Variants in SYTL3 observed in about 807,000 individuals in gnomAD.
The protein encoded by SYTL3 is synaptotagmin-like protein 3.
In SYTL3, 88 loss-of-function variants were observed where a neutral mutation model predicts 82.1. That is an observed-to-expected ratio of 1.07 (90% CI 0.90 to 1.28). The LOEUF (loss-of-function observed/expected upper bound fraction) is 1.28, where lower values mean the gene tolerates loss of function less well. Ranked by LOEUF, SYTL3 falls within the 50% of genes most tolerant of loss-of-function variation. The pLI, the probability that SYTL3 is intolerant of heterozygous loss-of-function variation, is 0.00. For synonymous variants in SYTL3, 311 were observed against 289.4 expected (o/e 1.07, Z -0.76); for missense variants, 831 against 757.6 (o/e 1.10, Z -1.14).
At chr6:158,716,356 C>T (rs768352899) in intron 9 of SYTL3, among the ~76,000 whole-genome samples, 17 of 152,144 alleles carry the variant, frequency 1.1e-4, no homozygotes, top group Non-Finnish European at 1.9e-4. Context: ...CCAAATAGGC[C>T]CAGGCTTTGG....
chr6:158,719,767 A>C (rs1783851764), intron 10 of SYTL3, among the ~76,000 whole-genome samples: 1 of 152,174 alleles, frequency 6.6e-6, no homozygotes, highest in Non-Finnish European at 1.5e-5. Flanking sequence ...AATTCTCACA[A>C]AAATACCGTG....
chr6:158,754,698 C>T (rs933728577), intron 13 of SYTL3, among the ~76,000 whole-genome samples: 11 of 152,112 alleles, frequency 7.2e-5, no homozygotes, highest in Admixed American at 2.6e-4. Context: ...CCAGCCTGGG[C>T]GACAGAGCGA....
chr6:158,672,252 C>T (rs1026731042), intron 5 of SYTL3, among the ~76,000 whole-genome samples: 1 of 152,192 alleles, frequency 6.6e-6, no homozygotes, highest in African/African-American at 2.4e-5. Context: ...GATTGCACTA[C>T]TGCACTCCAG....
At chr6:158,761,943 C>T (rs550748367) in intron 15 of SYTL3, 133 bp from the exon 16 acceptor site, 10 of 637,988 alleles carry the variant, frequency 1.6e-5, no homozygotes, top group Admixed American at 1.4e-4. Context: ...CACTGCACCA[C>T]TCCCATCTGC....
Position 158,702,168 on chromosome 6 carries a change from G to GA in SYTL3, c.395-5054dup, listed in dbSNP as rs1468217243. ...CAGCTCATTTAAAATTTTTTTTGTAGAAAAAAAATTAGCTGGGTCTGGTAA... is the reference window on the plus strand; with the variant it reads ...CAGCTCATTTAAAATTTTTTTTGTAGAAAAAAAAATTAGCTGGGTCTGGTAA... On this transcript the variant is annotated intron_variant, in intron 6 of 17. Transcript: ENST00000611299. Among the ~76,000 whole-genome samples, 6 of 151,094 alleles carry GA rather than the reference G, an allele frequency of 4.0e-5. No individual in the cohort carries two copies. The South Asian group carries it at 1.3e-3, about 32-fold the overall frequency.
intron 11 of SYTL3, among the ~76,000 whole-genome samples, chr6:158,736,731 T>G (rs561844838): frequency 2.1e-4 from 31 of 146,508 alleles, no homozygotes; most frequent in African/African-American, 6.6e-4. Context: ...GAGGTGGCAG[T>G]GAGCTGAGAT....
intron 10 of SYTL3, among the ~76,000 whole-genome samples, chr6:158,724,559 T>C (rs1401984453): frequency 6.6e-6 from 1 of 152,248 alleles, no homozygotes; most frequent in East Asian, 1.9e-4. Context: ...ATGATCTTTA[T>C]GTGAGCTGTC....
At chr6:158,667,340 G>A (rs1421828061) in intron 5 of SYTL3, among the ~76,000 whole-genome samples, 1 of 152,152 alleles carries the variant, frequency 6.6e-6, no homozygotes, top group Admixed American at 6.6e-5. Flanking sequence ...TTTGAAATGA[G>A]GTTGGTTTTC....
chr6:158,698,981 G>A (rs1451147891), intron 6 of SYTL3, among the ~76,000 whole-genome samples: 1 of 152,142 alleles, frequency 6.6e-6, no homozygotes, highest in Non-Finnish European at 1.5e-5. Flanking sequence ...GTGGCCAGAG[G>A]GAAGGCCGCC....
At chr6:158,695,356 G>C (rs1780446592) in intron 6 of SYTL3, among the ~76,000 whole-genome samples, 1 of 151,920 alleles carries the variant, frequency 6.6e-6, no homozygotes, top group African/African-American at 2.4e-5. Context: ...TCTGAATGAA[G>C]GATTCATGTG....
intron 5 of SYTL3, among the ~76,000 whole-genome samples, chr6:158,678,352 G>A (rs1402695330): frequency 2.0e-5 from 3 of 152,258 alleles, no homozygotes; most frequent in Non-Finnish European, 4.4e-5. Flanking sequence ...GTGAAAATAC[G>A]TTAAGCAACT....
In SYTL3 at chr6:158,752,590, G is replaced by A. The variant is rs117007920; in HGVS notation, c.1137+560G>A. Among the ~76,000 whole-genome samples, 1,147 of 152,292 alleles carry A rather than the reference G, an allele frequency of 7.5e-3. 19 individuals carry two copies. The highest frequency in any genetic ancestry group is 6.9e-3 in the Non-Finnish European group (470 of 68,034). ...TGATTGATGGTTGAGGGCAGAGATG[G>A]GGCCATGCGCTCTGATGTCGGGTGG... On this transcript the variant is annotated intron_variant, in intron 13 of 17. Coordinates refer to ENST00000611299, the MANE Select transcript of SYTL3 (RefSeq NM_001242394.2).
Position 158,763,311 on chromosome 6 carries a change from A to T in SYTL3, c.1525A>T (p.Thr509Ser). The T allele has an allele frequency of 6.2e-7, 1 of 1,614,042 alleles. No individual in the cohort carries two copies. The highest frequency in any genetic ancestry group is 8.5e-7 in the Non-Finnish European group (1 of 1,180,002). ...TTTGTGTTCCCTCTTCAGCTGTCTC[A>T]CTCTGCCAGACCAACAAAAACTGAG... ...TLNSFVKGCL[T>S]LPDQQKLRLK... is the part of the protein sequence containing the mutation. The change falls in exon 17 of 18, where the codon ACT becomes TCT. Residue 509 changes from threonine (T) to serine (S), a missense_variant. Transcript: ENST00000611299.
At chr6:158,757,442 CAG>C in intron 14 of SYTL3, 61 bp downstream of exon 14, 1 of 1,554,836 alleles carries the variant, frequency 6.4e-7, no homozygotes, top group South Asian at 1.2e-5. Context: ...AATAACTTTT[CAG>C]AGAGATCCCA....
intron 2 of SYTL3, among the ~76,000 whole-genome samples, chr6:158,660,700 C>T (rs201755099): frequency 6.6e-6 from 1 of 152,138 alleles, no homozygotes; most frequent in Non-Finnish European, 1.5e-5. Context: ...GAACGGAGCA[C>T]AAACAGCCAC....
intron 5 of SYTL3, among the ~76,000 whole-genome samples, chr6:158,680,677 G>T (rs962699095): frequency 6.6e-6 from 1 of 151,850 alleles, no homozygotes; most frequent in African/African-American, 2.4e-5. Context: ...GCTTGAGCCC[G>T]GGAGGCAGGG....
chr6:158,759,520 GCT>G (rs1250720235), intron 14 of SYTL3, among the ~76,000 whole-genome samples: 1 of 152,152 alleles, frequency 6.6e-6, no homozygotes, highest in Non-Finnish European at 1.5e-5. Context: ...GCCCGGGACG[GCT>G]CTGTTTTTTG....
At chr6:158,685,771 T>C (rs1779235089) in intron 6 of SYTL3, among the ~76,000 whole-genome samples, 1 of 152,102 alleles carries the variant, frequency 6.6e-6, no homozygotes, top group South Asian at 2.1e-4. Context: ...TGAGCCGAGA[T>C]CATGCCATGG....
At chr6:158,722,171 GT>G (rs869119609) in intron 10 of SYTL3, among the ~76,000 whole-genome samples, 1 of 144,190 alleles carries the variant, frequency 6.9e-6, no homozygotes, top group East Asian at 2.0e-4. Context: ...TTGTTTGTTT[GT>G]TTTTTTGAGA....
Sources: allele counts gnomAD v4.1 joint callset (sites outside exome capture counted in the v4.1 genomes callset), GRCh38; gene constraint gnomAD v4.1.1; transcripts MANE v1.5; gene names NCBI Gene and HGNC (gene_info 2026-07-23, HGNC 2026-07-21).